The following ART3 variants were observed in gnomAD, a reference collection of about 807,000 sequenced individuals.
ART3 encodes the protein ADP-ribosyltransferase 3 (inactive).
ART3 carries 49 observed loss-of-function variants against 48.5 expected under a neutral mutation model. That is an observed-to-expected ratio of 1.01 (90% CI 0.80 to 1.28). The LOEUF (loss-of-function observed/expected upper bound fraction) is 1.28, where lower values mean the gene tolerates loss of function less well. Among genes scored for constraint, ART3 ranks in the 50% most tolerant of loss-of-function variants. ART3 has a pLI of 0.00. For missense variants in ART3, 438 were observed against 454.3 expected (o/e 0.96, Z 0.33); for synonymous variants, 145 against 157.2 (o/e 0.92, Z 0.58).
intron 1 of ART3, among the ~76,000 whole-genome samples, chr4:76,064,624 T>C (rs1440061186): frequency 6.6e-6 from 1 of 152,194 alleles, no homozygotes; most frequent in Non-Finnish European, 1.5e-5. Context: ...TTATTACATT[T>C]TGACAACATA....
intron 8 of ART3, among the ~76,000 whole-genome samples, chr4:76,102,018 T>G (rs1727436859): frequency 6.6e-6 from 1 of 152,146 alleles, no homozygotes; most frequent in Non-Finnish European, 1.5e-5. Flanking sequence ...TACAACAAAT[T>G]TAAAGAGATC....
intron 1 of ART3, chr4:76,058,486 T>C (rs1718892258): frequency 6.6e-6 from 1 of 152,190 alleles, no homozygotes; most frequent in Non-Finnish European, 1.5e-5. Context: ...GTTGATTAAA[T>C]GCATATATTG....
At chr4:76,057,517 A>C (rs1001958936) in intron 1 of ART3, among the ~76,000 whole-genome samples, 3 of 152,214 alleles carry the variant, frequency 2.0e-5, no homozygotes, top group African/African-American at 7.2e-5. Context: ...CTCAAAATAA[A>C]AAGTTAAAAA....
upstream of ART3, among the ~76,000 whole-genome samples, chr4:76,071,738 A>C (rs1720337521): frequency 6.6e-6 from 1 of 152,124 alleles, no homozygotes; most frequent in African/African-American, 2.4e-5. Context: ...CTTTTTCCAC[A>C]CACGGTCTTC....
At position 76,054,744 on chromosome 4, in the gene ART3, G is replaced by A. The variant is rs147950031; in HGVS notation, c.-9-21137G>A. Among the ~76,000 whole-genome samples, 879 of 152,218 alleles carry A rather than the reference G, an allele frequency of 5.8e-3. 20 individuals carry two copies. Among genetic ancestry groups the A allele is most frequent in the African/African-American group, 0.02 (836 of 41,516 alleles). ...ACCTATTTGGGAGGCTGAGGCTGGA[G>A]GATCACTTGAGCCCAGGAGATCAAG... On this transcript the variant is annotated intron_variant, in intron 1 of 9. Coordinates refer to the ART3 transcript ENST00000341029.
chr4:76,036,848 TG>T, intron 1 of ART3: 1 of 235,884 alleles, frequency 4.2e-6, no homozygotes, highest in Non-Finnish European at 9.2e-6. Flanking sequence ...ACCCTTTTCT[TG>T]ATGAATTTGA....
At chr4:76,077,139 G>T (rs1392767338) in intron 2 of ART3, among the ~76,000 whole-genome samples, 2 of 151,900 alleles carry the variant, frequency 1.3e-5, no homozygotes, top group Non-Finnish European at 2.9e-5. Flanking sequence ...AAACATTTCC[G>T]TCAACCCAAA....
chr4:76,101,123 C>A, intron 8 of ART3, 104 bp downstream of exon 8: 1 of 1,375,516 alleles, frequency 7.3e-7, no homozygotes. Flanking sequence ...GGGAGGAAGG[C>A]AGAGCTCACC....
chr4:76,032,501 C>T (rs963785560), intron 1 of ART3, among the ~76,000 whole-genome samples: 1 of 151,754 alleles, frequency 6.6e-6, no homozygotes, highest in East Asian at 1.9e-4. Context: ...GCCACCATGC[C>T]CAGCTGACTA....
Position 76,082,099 on chromosome 4 carries a change from C to T in ART3, c.345C>T (p.Phe115=). 6.2e-7 allele frequency: 1 copy of T among 1,614,208 alleles called. No individual in the cohort carries two copies. Among genetic ancestry groups the T allele is most frequent in the Non-Finnish European group, 8.5e-7 (1 of 1,180,040 alleles). ...AGCAAACTCCCTTTTACCATCTGTT[C>T]AGTGAAGCTGTGAAGATGGCTGGCC... The part of the protein sequence containing the change: ...AQEQTPFYHL[F]SEAVKMAGQS... Residue 115 remains phenylalanine (F), a synonymous_variant, in exon 3 of 12, where the codon TTC becomes TTT. Coordinates refer to ENST00000355810, the MANE Select transcript of ART3 (RefSeq NM_001130016.3).
At chr4:76,098,428 A>G (rs6829592) in intron 4 of ART3, among the ~76,000 whole-genome samples, 51,957 of 152,000 alleles carry the variant, frequency 0.34, 9,413 homozygotes, top group East Asian at 0.55. Flanking sequence ...GAGAGAGAAA[A>G]AAAGTTCAAA....
chr4:76,035,488 G>GA, intron 1 of ART3: 1 of 709,878 alleles, frequency 1.4e-6, no homozygotes. Context: ...CTGTTACTGG[G>GA]AAAAGTTAAG....
intron 1 of ART3, among the ~76,000 whole-genome samples, chr4:76,050,355 A>G (rs1298823849): frequency 6.6e-6 from 1 of 151,938 alleles, no homozygotes; most frequent in Non-Finnish European, 1.5e-5. Context: ...CCACATCCCC[A>G]CCAGATTAGC....
At chr4:76,032,854 G>A (rs1288515596) in intron 1 of ART3, among the ~76,000 whole-genome samples, 8 of 151,898 alleles carry the variant, frequency 5.3e-5, no homozygotes, top group African/African-American at 1.9e-4. Context: ...CCAAAGTGCT[G>A]GGATTACAGA....
chr4:76,082,003 A>C lies in ART3; in HGVS notation c.249A>C (p.Gln83His). The C allele has an allele frequency of 1.2e-6, 2 of 1,614,212 alleles. No homozygotes were observed. Among genetic ancestry groups the C allele is most frequent in the Non-Finnish European group, 1.7e-6 (2 of 1,180,038 alleles). The change falls in exon 3 of 12, where the codon CAA (glutamine) becomes CAC (histidine). Residue 83 changes from glutamine (Q) to histidine (H), a missense_variant. Physicochemically the swap from Gln to His is conservative, Grantham distance 24 (BLOSUM62 0). Around this residue, in one of 3 missense-constraint regions of ART3, gnomAD observed 206 missense variants for 205.3 expected, o/e 1.00. Transcript: ENST00000355810. ...CCAAATGGGCAGCCCGAAAGACTCA[A>C]ATCTTTCTCCCTATGAATTTTAAGG... ...AKAKWAARKT[Q>H]IFLPMNFKDN...
intron 1 of ART3, chr4:76,041,078 T>C (rs1734931906): frequency 6.6e-6 from 1 of 152,240 alleles, no homozygotes; most frequent in Non-Finnish European, 1.5e-5. Flanking sequence ...TGGCACTCTT[T>C]TGGGTATTAG....
intron 1 of ART3, among the ~76,000 whole-genome samples, chr4:76,023,922 T>A (rs1733128820): frequency 6.6e-6 from 1 of 152,244 alleles, no homozygotes; most frequent in Non-Finnish European, 1.5e-5. Flanking sequence ...CAGCAAGTTG[T>A]GCCTGATTAT....
At chr4:76,066,506 C>T (rs963950976) in intron 1 of ART3, among the ~76,000 whole-genome samples, 2 of 152,066 alleles carry the variant, frequency 1.3e-5, no homozygotes, top group African/African-American at 4.8e-5. Flanking sequence ...GCAGGTCATT[C>T]GGCAGTCTCT....
intron 3 of ART3, among the ~76,000 whole-genome samples, chr4:76,083,050 T>C (rs1319315818): frequency 6.6e-6 from 1 of 152,096 alleles, no homozygotes; most frequent in Non-Finnish European, 1.5e-5. Context: ...AATTAAAAAT[T>C]AGCCAGGCAT....
Sources: gnomAD v4.1 joint callset for allele counts (sites outside exome capture counted in the v4.1 genomes callset) on GRCh38, gnomAD v4.1.1 for gene constraint, gnomAD v4.1.1 regional missense constraint, MANE v1.5 for transcripts, NCBI Gene and HGNC (gene_info 2026-07-23, HGNC 2026-07-21) for gene names.